MAPK10: variants seen among roughly 807,000 people sequenced by gnomAD.
MAPK10 encodes JNK3 alpha protein kinase.
Under a neutral mutation model 59.3 loss-of-function variants are expected in MAPK10, and 25 were observed. That is an observed-to-expected ratio of 0.42 (90% CI 0.31 to 0.59). MAPK10 has a LOEUF of 0.59. Ranked by LOEUF, MAPK10 falls within the 20% of genes least tolerant of loss-of-function variation. The pLI is 0.15. For synonymous variants in MAPK10, 190 were observed against 200.5 expected (o/e 0.95, Z 0.44); for missense variants, 351 against 568.9 (o/e 0.62, Z 3.90).
At chr4:86,117,290 G>T (rs1475005235) in intron 4 of MAPK10, among the ~76,000 whole-genome samples, 1 of 152,124 alleles carries the variant, frequency 6.6e-6, no homozygotes, top group African/African-American at 2.4e-5. Context: ...ATACGCTGTA[G>T]CCATACAGTT....
chr4:86,584,479 C>CT (rs1762527914), intron 1 of MAPK10, among the ~76,000 whole-genome samples: 2 of 152,164 alleles, frequency 1.3e-5, no homozygotes, highest in African/African-American at 2.4e-5. Flanking sequence ...GGGTCTCACT[C>CT]TGTCACCAGG....
Position 86,359,326 on chromosome 4 carries a change from G to GTGTGTA in MAPK10, c.-122+331_-122+332insTACACA, listed in dbSNP as rs1554248726. Reference sequence around the variant, plus strand: ...TGTGTGTGTGTGTGTGTGTGTGTGTGTGTGTTTCTCTCTCTCTCCCTTCCC... The same window carrying GTGTGTA: ...TGTGTGTGTGTGTGTGTGTGTGTGTGTGTGTATGTGTTTCTCTCTCTCTCCCTTCCC... On this transcript the variant is annotated intron_variant, in intron 1 of 13. Coordinates refer to ENST00000641462, the MANE Select transcript of MAPK10 (RefSeq NM_138982.4). 1.7e-3 allele frequency among the ~76,000 whole-genome samples: 243 copies of GTGTGTA among 143,006 alleles called. 1 individual carries two copies. Among genetic ancestry groups the GTGTGTA allele is most frequent in the African/African-American group, 6.1e-3 (233 of 38,390 alleles). The allele number at this position is 143,006 out of a possible 152,430, so 93.8% of individuals were successfully genotyped here.
At chr4:86,244,879 C>A (rs1395321263) in intron 2 of MAPK10, among the ~76,000 whole-genome samples, 1 of 152,156 alleles carries the variant, frequency 6.6e-6, no homozygotes, top group Non-Finnish European at 1.5e-5. Context: ...TTTTAAAACT[C>A]TACTGTGAAA....
chr4:86,256,604 C>T (rs2093721448), intron 2 of MAPK10, among the ~76,000 whole-genome samples: 1 of 151,834 alleles, frequency 6.6e-6, no homozygotes, highest in Non-Finnish European at 1.5e-5. Flanking sequence ...CAAATAGCCA[C>T]ATTATAGGTA....
chr4:86,083,266 A>G (rs982225718), intron 9 of MAPK10, among the ~76,000 whole-genome samples: 2 of 152,108 alleles, frequency 1.3e-5, no homozygotes, highest in African/African-American at 2.4e-5. Context: ...CACTCACAGT[A>G]TCTGGTTTTA....
chr4:86,020,078 C>G (rs1316304248), intron 13 of MAPK10: 1 of 152,238 alleles, frequency 6.6e-6, no homozygotes, highest in Non-Finnish European at 1.5e-5. Flanking sequence ...ACCCTGCACT[C>G]CATTCCTCAC....
intron 1 of MAPK10, among the ~76,000 whole-genome samples, chr4:86,541,634 C>G (rs1164177566): frequency 6.6e-6 from 1 of 152,160 alleles, no homozygotes; most frequent in Non-Finnish European, 1.5e-5. Context: ...TAAAGAAACT[C>G]TGTACTCATC....
At chr4:86,168,942 C>A (rs922376679) in intron 3 of MAPK10, among the ~76,000 whole-genome samples, 4 of 152,190 alleles carry the variant, frequency 2.6e-5, no homozygotes, top group Non-Finnish European at 4.4e-5. Context: ...CTGCTGCTAC[C>A]CAGGCAAACA....
chr4:86,371,163 C>A lies in MAPK10; in HGVS notation c.-121-16519G>T, dbSNP rs180888410. The stretch of plus-strand genomic sequence containing the variant: ...TTTTTGAGTCATTTAACAAATACTA[C>A]CTTATGATAAGTCAAAGTCGCTATC... On this transcript the variant is annotated intron_variant, in intron 1 of 13. Transcript: ENST00000361569. 9.8e-5 allele frequency among the ~76,000 whole-genome samples: 15 copies of A among 152,290 alleles called. No individual in the cohort carries two copies. The East Asian group carries it at 2.9e-3, about 29-fold the overall frequency.
chr4:86,101,879 A>AATT lies in MAPK10; in HGVS notation c.564+14_564+15insAAT. On this transcript the variant is annotated intron_variant, in intron 7 of 13. Coordinates refer to ENST00000641462, the MANE Select transcript of MAPK10 (RefSeq NM_138982.4). ...TAAAGCATTTGAATTGTAATCCTAG[A>AATT]GAAGGTGTTCTTACCCTGTGAATAA... The AATT allele has an allele frequency of 3.7e-6, 6 of 1,613,512 alleles. No individual in the cohort carries two copies. Among genetic ancestry groups the AATT allele is most frequent in the Non-Finnish European group, 5.1e-6 (6 of 1,179,566 alleles).
intron 4 of MAPK10, among the ~76,000 whole-genome samples, chr4:86,131,311 C>G (rs2060962013): frequency 2.0e-5 from 3 of 152,082 alleles, no homozygotes; most frequent in South Asian, 4.1e-4. Flanking sequence ...GGCATACAGA[C>G]AGTTTAAGTG....
chr4:86,422,661 G>A (rs1405186641), intron 1 of MAPK10, among the ~76,000 whole-genome samples: 1 of 152,156 alleles, frequency 6.6e-6, no homozygotes, highest in Admixed American at 6.5e-5. Flanking sequence ...TATCTTTAGT[G>A]TACTAGAAGG....
At chr4:86,076,763 TTAAC>T (rs1411186589) in intron 9 of MAPK10, among the ~76,000 whole-genome samples, 1 of 152,190 alleles carries the variant, frequency 6.6e-6, no homozygotes, top group Non-Finnish European at 1.5e-5. Flanking sequence ...ACATAAAATA[TTAAC>T]TAGATTTTAT....
At chr4:86,289,756 T>C (rs1225357928) in intron 2 of MAPK10, among the ~76,000 whole-genome samples, 2 of 151,868 alleles carry the variant, frequency 1.3e-5, no homozygotes, top group Non-Finnish European at 2.9e-5. Flanking sequence ...TGGTTTGGAG[T>C]AGTAAAGTAG....
At chr4:86,106,897 T>C (rs2056643677) in intron 5 of MAPK10, 1 of 162,092 alleles carries the variant, frequency 6.2e-6, no homozygotes, top group Non-Finnish European at 1.3e-5. Context: ...TGTAGGTTTT[T>C]TTTTTCTGGC....
intron 4 of MAPK10, among the ~76,000 whole-genome samples, chr4:86,138,908 A>G (rs1162133184): frequency 6.6e-6 from 1 of 151,700 alleles, no homozygotes; most frequent in Non-Finnish European, 1.5e-5. Context: ...AAACAGCCAA[A>G]TAATGAGTGA....
At chr4:86,078,341 T>C (rs1372232753) in intron 9 of MAPK10, among the ~76,000 whole-genome samples, 1 of 152,184 alleles carries the variant, frequency 6.6e-6, no homozygotes, top group Non-Finnish European at 1.5e-5. Flanking sequence ...GAAAGAAAAG[T>C]GCTCATCTTT....
intron 2 of MAPK10, among the ~76,000 whole-genome samples, chr4:86,249,114 T>C (rs1342650206): frequency 1.3e-5 from 2 of 152,202 alleles, no homozygotes; most frequent in Admixed American, 1.3e-4. Context: ...AGTTCCCTTG[T>C]GAGGAGAAAC....
At chr4:86,236,999 C>T (rs1032554595) in intron 2 of MAPK10, among the ~76,000 whole-genome samples, 1 of 152,050 alleles carries the variant, frequency 6.6e-6, no homozygotes, top group Non-Finnish European at 1.5e-5. Context: ...GACCCCCCAT[C>T]CCCCAAACAG....
Sources: allele counts gnomAD v4.1 joint callset (sites outside exome capture counted in the v4.1 genomes callset), GRCh38; gene constraint gnomAD v4.1.1; transcripts MANE v1.5; gene names NCBI Gene and HGNC (gene_info 2026-07-23, HGNC 2026-07-21).